Variants in NCKAP5 observed in about 807,000 individuals in gnomAD.
NCKAP5 encodes NCK associated protein 5.
NCKAP5 carries 92 observed loss-of-function variants against 167.0 expected under a neutral mutation model. The observed-to-expected ratio is 0.55, with a 90% CI of 0.47 to 0.66. NCKAP5 has a LOEUF of 0.66. Among genes scored for constraint, NCKAP5 ranks in the 30% least tolerant of loss-of-function variants. NCKAP5 has a pLI of 0.00. For synonymous variants in NCKAP5, 891 were observed against 877.4 expected, an observed-to-expected ratio of 1.02 and a Z score of -0.27; for missense variants, 2,378 against 2,315.0, an observed-to-expected ratio of 1.03 and a Z score of -0.56.
chr2:132,790,136 A>G lies in NCKAP5; in HGVS notation c.979T>C (p.Cys327Arg). The part of the protein sequence containing the change: ...GLGAVIPGHL[C>R]PRNSYSSSSE... ...CTGCTACTGTAGCTGTTTCGAGGAC[A>G]GAGATGACCAGGGATGACAGCCCCC... The change falls in exon 13 of 20, where the codon TGT becomes CGT. Residue 327 changes from cysteine to arginine, a missense_variant. By Grantham distance (180) the Cys-to-Arg change is radical (BLOSUM62 -3). Coordinates refer to ENST00000409261, the MANE Select transcript of NCKAP5 (RefSeq NM_207363.3). 3 of 1,613,706 alleles carry G rather than the reference A, an allele frequency of 1.9e-6. No homozygotes were observed. Among genetic ancestry groups the G allele is most frequent in the African/African-American group, 1.3e-5 (1 of 75,038 alleles).
At chr2:133,104,058 G>A (rs1035248477) in intron 6 of NCKAP5, among the ~76,000 whole-genome samples, 23 of 151,528 alleles carry the variant, frequency 1.5e-4, no homozygotes, top group African/African-American at 5.6e-4. Flanking sequence ...TTCTGGCCCA[G>A]AGCTGCCCCT....
intron 5 of NCKAP5, among the ~76,000 whole-genome samples, chr2:133,176,108 T>C (rs1395849242): frequency 6.6e-6 from 1 of 152,166 alleles, no homozygotes; most frequent in Non-Finnish European, 1.5e-5. Context: ...AGCATCCCTG[T>C]TGGGTTCCCA....
Position 132,878,906 on chromosome 2 carries a change from G to A in NCKAP5, c.590C>T (p.Ser197Leu), listed in dbSNP as rs774350849. ...ATTTTCATTCTCCAAAGCCAACGCT[G>A]AATTCTCTGCCTGCAGTAAGATACA... is the stretch of plus-strand genomic sequence containing the variant. ...ERLKALEAEN[S>L]ALALENENQR... Residue 197 changes from serine to leucine, a missense_variant, in exon 9 of 20, where the codon TCA (serine) becomes TTA (leucine). Physicochemically the swap from Ser to Leu is moderately radical, Grantham distance 145 (BLOSUM62 -2). Coordinates refer to ENST00000409261, the MANE Select transcript of NCKAP5 (RefSeq NM_207363.3). 9 of 1,612,920 alleles carry A rather than the reference G, an allele frequency of 5.6e-6. No homozygotes were observed. The South Asian group carries it at 8.8e-5, about 16-fold the overall frequency.
intron 19 of NCKAP5, among the ~76,000 whole-genome samples, chr2:132,716,124 TG>T (rs983601929): frequency 6.6e-6 from 1 of 152,170 alleles, no homozygotes; most frequent in African/African-American, 2.4e-5. Context: ...GAATGTCACC[TG>T]GGGGATGGAG....
chr2:133,012,717 C>T (rs1263585957), intron 6 of NCKAP5, among the ~76,000 whole-genome samples: 2 of 152,158 alleles, frequency 1.3e-5, no homozygotes, highest in South Asian at 2.1e-4. Flanking sequence ...CTTCCCTCTT[C>T]CATCAACTAC....
In NCKAP5 at chr2:133,205,177, C is replaced by T. The variant is rs890753136; in HGVS notation, c.207+8539G>A. 5.9e-5 allele frequency among the ~76,000 whole-genome samples: 9 copies of T among 152,108 alleles called. No individual in the cohort carries two copies. In the South Asian group the frequency reaches 6.2e-4, roughly 11 times the overall value. ...GCATCGTGGTGTGTGCCTTTAGTTC[C>T]AGCTACTTGGGAGGCTGAGGCAGGT... On this transcript the variant is annotated intron_variant, in intron 5 of 19. Coordinates refer to ENST00000409261, the MANE Select transcript of NCKAP5 (RefSeq NM_207363.3).
At chr2:132,696,181 A>G (rs1016982665) in intron 19 of NCKAP5, among the ~76,000 whole-genome samples, 2 of 152,228 alleles carry the variant, frequency 1.3e-5, no homozygotes, top group Admixed American at 1.3e-4. Context: ...TGATGCCATG[A>G]TGACTCCAGA....
chr2:133,080,193 C>T (rs974560416), intron 6 of NCKAP5, among the ~76,000 whole-genome samples: 15 of 151,986 alleles, frequency 9.9e-5, no homozygotes, highest in African/African-American at 3.6e-4. Flanking sequence ...GTGTATGTGT[C>T]CAGAATAAGT....
chr2:133,538,813 C>G (rs1685957078), intron 2 of NCKAP5, among the ~76,000 whole-genome samples: 2 of 151,198 alleles, frequency 1.3e-5, no homozygotes, highest in Admixed American at 1.3e-4. Context: ...GGATGTTGAT[C>G]TGCATAGTAG....
intron 16 of NCKAP5, 90 bp downstream of exon 16, chr2:132,773,726 G>T: frequency 9.8e-7 from 1 of 1,023,518 alleles, no homozygotes; most frequent in Non-Finnish European, 1.5e-6. Context: ...TTGATAGAGG[G>T]ACATGGTCTC....
At chr2:133,094,815 GA>G (rs2149653794) in intron 6 of NCKAP5, among the ~76,000 whole-genome samples, 1 of 152,260 alleles carries the variant, frequency 6.6e-6, no homozygotes, top group South Asian at 2.1e-4. Flanking sequence ...GGAATTCAGA[GA>G]GATTCAAAGC....
At chr2:133,132,264 G>A (rs71413537) in intron 5 of NCKAP5, among the ~76,000 whole-genome samples, 9,726 of 149,588 alleles carry the variant, frequency 0.065, 621 homozygotes, top group East Asian at 0.36. Context: ...TCCAGCATGG[G>A]TGACAGAGCG....
At chr2:132,865,890 A>G (rs1455977195) in intron 10 of NCKAP5, among the ~76,000 whole-genome samples, 1 of 152,182 alleles carries the variant, frequency 6.6e-6, no homozygotes, top group Non-Finnish European at 1.5e-5. Flanking sequence ...AAAGTGCTGC[A>G]TGTGGGGTCT....
intron 4 of NCKAP5, among the ~76,000 whole-genome samples, chr2:133,223,420 G>A (rs774031529): frequency 3.2e-4 from 49 of 152,094 alleles, no homozygotes; most frequent in African/African-American, 1.1e-3. Context: ...GTCACCCGCC[G>A]CAGAGGCCAT....
chr2:133,130,057 C>T lies in NCKAP5; in HGVS notation c.262G>A (p.Glu88Lys), dbSNP rs748072988. The change falls in exon 6 of 20, where the codon GAG becomes AAG. Residue 88 changes from glutamate (E) to lysine (K), a missense_variant. Glu to Lys is a moderately conservative substitution (Grantham distance 56). Coordinates refer to ENST00000409261, the MANE Select transcript of NCKAP5 (RefSeq NM_207363.3). ...EEERHLRLQS[E>K]KRLQEVTLES... ...AGGGTCACCTCCTGCAACCGCTTCT[C>T]GCTTTGAAGACGTAAGTGTCTCTCC... The T allele has an allele frequency of 1.2e-5, 19 of 1,611,892 alleles. No individual in the cohort carries two copies. The highest frequency in any genetic ancestry group is 1.4e-5 in the Non-Finnish European group (16 of 1,179,180).
intron 6 of NCKAP5, among the ~76,000 whole-genome samples, chr2:133,000,628 C>T (rs1455150523): frequency 6.6e-6 from 1 of 152,184 alleles, no homozygotes; most frequent in Non-Finnish European, 1.5e-5. Context: ...CTTGAACCTC[C>T]ACAATATGAC....
chr2:133,252,736 G>A (rs2088412105), intron 4 of NCKAP5, among the ~76,000 whole-genome samples: 2 of 152,148 alleles, frequency 1.3e-5, no homozygotes, highest in African/African-American at 4.8e-5. Flanking sequence ...AAGACAAATG[G>A]AGAAAGCTTT....
intron 4 of NCKAP5, among the ~76,000 whole-genome samples, chr2:133,240,310 T>G (rs760009132): frequency 6.6e-6 from 1 of 152,232 alleles, no homozygotes; most frequent in African/African-American, 2.4e-5. Context: ...TATATGCATT[T>G]CTGGCTTAAT....
At chr2:133,573,784 C>T in the NCKAP5 span, among the ~76,000 whole-genome samples, 32 of 152,278 alleles carry the variant, frequency 2.1e-4, no homozygotes, top group East Asian at 1.9e-4. Context: ...GAAAAGGGAA[C>T]GGGTGTCGGG....
Sources: gnomAD v4.1 joint callset for allele counts (sites outside exome capture counted in the v4.1 genomes callset) on GRCh38, gnomAD v4.1.1 for gene constraint, MANE v1.5 for transcripts, NCBI Gene and HGNC (gene_info 2026-07-23, HGNC 2026-07-21) for gene names.